RFX3: variants seen among roughly 807,000 people sequenced by gnomAD.
RFX3 encodes the protein transcription factor RFX3.
In RFX3, 14 loss-of-function variants were observed where a neutral mutation model predicts 98.6. The observed-to-expected ratio is 0.14, with a 90% CI of 0.09 to 0.22. The LOEUF is 0.22. Ranked by LOEUF, RFX3 falls within the 10% of genes least tolerant of loss-of-function variation. RFX3 has a pLI of 1.00. For synonymous variants in RFX3, 383 were observed against 328.4 expected (o/e 1.17, Z -1.80); for missense variants, 639 against 926.9 (o/e 0.69, Z 4.03).
rs1828573452 is a variant in RFX3 at position 3,300,904 on chromosome 9, C to T, written c.549+642G>A. Among the ~76,000 whole-genome samples, 3 of 151,962 alleles carry T rather than the reference C, an allele frequency of 2.0e-5. No homozygotes were observed. In the South Asian group the frequency reaches 6.2e-4, roughly 31 times the overall value. On this transcript the variant is annotated intron_variant, in intron 5 of 16. Transcript: ENST00000617270. ...CTTACCAGTGTCATAGTGATATCTG[C>T]ATCTGATAACAGGAAACAGCTTCAG...
At chr9:3,283,760 T>A (rs1193981734) in intron 7 of RFX3, among the ~76,000 whole-genome samples, 1 of 151,794 alleles carries the variant, frequency 6.6e-6, no homozygotes, top group African/African-American at 2.4e-5. Flanking sequence ...GAAGAGACCA[T>A]GCAAAGAGGC....
intron 2 of RFX3, among the ~76,000 whole-genome samples, chr9:3,380,994 T>C (rs887932579): frequency 6.6e-6 from 1 of 152,046 alleles, no homozygotes; most frequent in Non-Finnish European, 1.5e-5. Flanking sequence ...TTATATCTAA[T>C]CTAGATATCT....
At chr9:3,416,827 C>G (rs1385540319) in intron 1 of RFX3, among the ~76,000 whole-genome samples, 1 of 151,650 alleles carries the variant, frequency 6.6e-6, no homozygotes, top group African/African-American at 2.4e-5. Flanking sequence ...AAAAAGGAAC[C>G]AAAGAATAGA....
chr9:3,303,696 T>A (rs1435959279), intron 4 of RFX3, among the ~76,000 whole-genome samples: 1 of 151,948 alleles, frequency 6.6e-6, no homozygotes, highest in Admixed American at 6.6e-5. Context: ...GCTGTTATTT[T>A]ATAGTGGTCC....
intron 1 of RFX3, among the ~76,000 whole-genome samples, chr9:3,444,365 T>G (rs1278713349): frequency 6.6e-6 from 1 of 151,780 alleles, no homozygotes; most frequent in Non-Finnish European, 1.5e-5. Context: ...AAATGTAAAC[T>G]AATACATAGT....
chr9:3,278,883 T>G (rs1310871743), intron 7 of RFX3, among the ~76,000 whole-genome samples: 1 of 151,856 alleles, frequency 6.6e-6, no homozygotes, highest in East Asian at 1.9e-4. Flanking sequence ...AATATAATTT[T>G]AGTGATGACT....
chr9:3,430,496 C>G (rs974147767), intron 1 of RFX3, among the ~76,000 whole-genome samples: 1 of 152,140 alleles, frequency 6.6e-6, no homozygotes, highest in African/African-American at 2.4e-5. Context: ...ACATTTGTGC[C>G]TCAAAGGCAC....
chr9:3,295,316 G>C (rs901556320), intron 5 of RFX3, among the ~76,000 whole-genome samples: 2 of 151,960 alleles, frequency 1.3e-5, no homozygotes, highest in African/African-American at 4.8e-5. Context: ...ACATGCTTTG[G>C]TAAAATGATT....
At chr9:3,424,585 C>T (rs958186053) in intron 1 of RFX3, among the ~76,000 whole-genome samples, 26 of 151,752 alleles carry the variant, frequency 1.7e-4, no homozygotes, top group Non-Finnish European at 3.7e-4. Flanking sequence ...TGGTCTCGAT[C>T]TCCTGACCTC....
intron 14 of RFX3, among the ~76,000 whole-genome samples, chr9:3,253,221 G>A (rs1355286686): frequency 6.6e-6 from 1 of 152,206 alleles, no homozygotes; most frequent in Admixed American, 6.5e-5. Context: ...TGCCTCTTCT[G>A]AGTGTTTGAA....
chr9:3,270,665 T>A, intron 10 of RFX3, 140 bp from the exon 11 acceptor site: 1 of 818,968 alleles, frequency 1.2e-6, no homozygotes, highest in Non-Finnish European at 1.9e-6. Flanking sequence ...TACAGCTGGC[T>A]ATATATACCG....
At chr9:3,363,970 G>T (rs1836763667) in intron 2 of RFX3, among the ~76,000 whole-genome samples, 1 of 152,226 alleles carries the variant, frequency 6.6e-6, no homozygotes, top group African/African-American at 2.4e-5. Context: ...CCGCCTCCCG[G>T]ATTCAAGCAA....
chr9:3,374,937 A>C (rs7850570), intron 2 of RFX3, among the ~76,000 whole-genome samples: 30 of 151,964 alleles, frequency 2.0e-4, no homozygotes, highest in Non-Finnish European at 4.0e-4. Context: ...ATTAGCATTA[A>C]CAACAGTTAC....
chr9:3,493,984 C>T (rs1459890232), intron 1 of RFX3, among the ~76,000 whole-genome samples: 1 of 152,026 alleles, frequency 6.6e-6, no homozygotes, highest in Non-Finnish European at 1.5e-5. Context: ...CACTCAAGCC[C>T]ATAACCCTTT....
intron 2 of RFX3, among the ~76,000 whole-genome samples, chr9:3,366,385 A>C (rs1837075672): frequency 6.6e-6 from 1 of 152,222 alleles, no homozygotes; most frequent in Admixed American, 6.5e-5. Flanking sequence ...GTGTGTCTGC[A>C]CATACATACA....
Position 3,225,236 on chromosome 9 carries a change from C to T in RFX3, c.2056G>A (p.Asp686Asn), listed in dbSNP as rs759291664. 17 of 1,613,698 alleles carry T rather than the reference C, an allele frequency of 1.1e-5. No homozygotes were observed. Among genetic ancestry groups the T allele is most frequent in the Non-Finnish European group, 1.4e-5 (16 of 1,179,906 alleles). Residue 686 changes from aspartate (D) to asparagine (N), a missense_variant, in exon 17 of 17, where the codon GAC becomes AAC. By Grantham distance (23) the Asp-to-Asn change is conservative (BLOSUM62 1). Around this residue, in one of 9 missense-constraint regions of RFX3, gnomAD observed 129 missense variants for 124.6 expected, o/e 1.04. Transcript: ENST00000617270. ...CTTTTGGCTTGAGGCTCTGAAGAGT[C>T]ATCCAGTTCTTCATCCATTTCACTT... ...VESEMDEELD[D>N]SSEPQAKREK...
At chr9:3,295,660 G>C (rs1014271426) in intron 5 of RFX3, among the ~76,000 whole-genome samples, 29 of 152,108 alleles carry the variant, frequency 1.9e-4, no homozygotes, top group African/African-American at 7.0e-4. Context: ...AGATATGTTT[G>C]TAAGTACATC....
intron 1 of RFX3, among the ~76,000 whole-genome samples, chr9:3,503,035 T>G (rs1008073085): frequency 5.3e-5 from 8 of 152,164 alleles, no homozygotes; most frequent in African/African-American, 1.9e-4. Context: ...GTCACCAAAG[T>G]CTCTTATACC....
intron 1 of RFX3, among the ~76,000 whole-genome samples, chr9:3,484,862 T>A (rs1285890645): frequency 7.3e-5 from 11 of 151,408 alleles, no homozygotes; most frequent in Non-Finnish European, 1.5e-4. Flanking sequence ...AAAGGAAGGC[T>A]CACTTGAGGA....
Sources: allele counts gnomAD v4.1 joint callset (sites outside exome capture counted in the v4.1 genomes callset), GRCh38; gene constraint gnomAD v4.1.1; regional missense constraint gnomAD v4.1.1; transcripts MANE v1.5; gene names NCBI Gene and HGNC (gene_info 2026-07-23, HGNC 2026-07-21).